Variants in CNIH3 observed in about 807,000 individuals in gnomAD.
CNIH3 encodes cornichon family AMPA receptor auxiliary protein 3.
Under a neutral mutation model 24.1 loss-of-function variants are expected in CNIH3, and 14 were observed. That is an observed-to-expected ratio of 0.58 (90% CI 0.38 to 0.91). The LOEUF is 0.91. CNIH3 is among the 40% of genes least tolerant of loss of function. The pLI, the probability that CNIH3 is intolerant of heterozygous loss-of-function variation, is 0.00. For synonymous variants in CNIH3, 68 were observed against 73.8 expected, an observed-to-expected ratio of 0.92 and a Z score of 0.40; for missense variants, 178 against 196.8, an observed-to-expected ratio of 0.90 and a Z score of 0.57.
rs1252554127 is a variant in CNIH3, at chr1:224,658,566, A to G, written c.82-22392A>G. 2.0e-5 allele frequency among the ~76,000 whole-genome samples: 3 copies of G among 151,954 alleles called. 1 individual carries two copies. The highest frequency in any genetic ancestry group is 7.2e-5 in the African/African-American group (3 of 41,390). On this transcript the variant is annotated intron_variant, in intron 1 of 5. Coordinates refer to ENST00000272133, the MANE Select transcript of CNIH3 (RefSeq NM_152495.2). ...TTCACAAAATAGGGTCATAGTCACT[A>G]TGGAATAGTTATTCATTTAGCCAGA...
At chr1:224,496,685 T>C (rs1270083544) in intron 1 of CNIH3, among the ~76,000 whole-genome samples, 1 of 152,202 alleles carries the variant, frequency 6.6e-6, no homozygotes, top group South Asian at 2.1e-4. Flanking sequence ...GAGCACTCCA[T>C]GCAGTTGTGG....
intron 1 of CNIH3, among the ~76,000 whole-genome samples, chr1:224,644,341 G>C (rs1258830919): frequency 1.3e-5 from 2 of 152,114 alleles, no homozygotes; most frequent in African/African-American, 4.8e-5. Context: ...CTTCCGAGTA[G>C]CTGGGACTAC....
At chr1:224,661,380 C>G (rs981016966) in intron 1 of CNIH3, 2 of 271,506 alleles carry the variant, frequency 7.4e-6, no homozygotes, top group Middle Eastern at 1.6e-3. Flanking sequence ...AGAATGAGTC[C>G]CCTGTGACCT....
Position 224,486,911 on chromosome 1 carries a change from G to A in CNIH3, n.204-28830G>A, listed in dbSNP as rs567573109. Among the ~76,000 whole-genome samples the A allele has an allele frequency of 7.3e-4, 111 of 152,326 alleles. 1 individual carries two copies. The highest frequency in any genetic ancestry group is 1.5e-3 in the Non-Finnish European group (99 of 68,028). On this transcript the variant is annotated intron_variant and non_coding_transcript_variant, in intron 1 of 5. Coordinates refer to the CNIH3 transcript ENST00000471578. Reference sequence around the variant, plus strand: ...ATTGCTGTGAAAAGGATAGCAAAGAGTATTATCCCCAGGTCGGCTGACTAA... The same window carrying A: ...ATTGCTGTGAAAAGGATAGCAAAGAATATTATCCCCAGGTCGGCTGACTAA...
At chr1:224,575,900 A>G (rs1156481503) in intron 4 of CNIH3, among the ~76,000 whole-genome samples, 2 of 152,160 alleles carry the variant, frequency 1.3e-5, no homozygotes, top group Non-Finnish European at 2.9e-5. Flanking sequence ...TGCTTTTCTC[A>G]GGTCATGTTT....
chr1:224,566,736 T>C lies in CNIH3; in HGVS notation n.516+472T>C, dbSNP rs1053732709. Among the ~76,000 whole-genome samples the C allele has an allele frequency of 5.3e-5, 8 of 152,340 alleles. No individual in the cohort carries two copies. In the East Asian group the frequency reaches 1.5e-3, roughly 29 times the overall value. ...TGGCTGCATAGTATTCCATGGTGCA[T>C]ATGTGCCACATTTTCTCTATCTAGT... On this transcript the variant is annotated intron_variant and non_coding_transcript_variant, in intron 4 of 5. Coordinates refer to the CNIH3 transcript ENST00000471578.
intron 3 of CNIH3, among the ~76,000 whole-genome samples, chr1:224,597,963 A>C (rs1290446466): frequency 2.0e-5 from 3 of 152,130 alleles, no homozygotes; most frequent in African/African-American, 7.2e-5. Flanking sequence ...ATTGAAGGAC[A>C]CCCAGCGAGA....
intron 1 of CNIH3, among the ~76,000 whole-genome samples, chr1:224,479,235 C>G (rs1048475642): frequency 6.8e-6 from 1 of 147,328 alleles, no homozygotes; most frequent in African/African-American, 2.5e-5. Context: ...CTCACTGCAA[C>G]CTCTGCCTCC....
At chr1:224,645,834 C>A (rs1347945612) in intron 1 of CNIH3, among the ~76,000 whole-genome samples, 2 of 152,338 alleles carry the variant, frequency 1.3e-5, no homozygotes, top group South Asian at 4.1e-4. Context: ...GGCCATCTCG[C>A]TCCAAGGGAA....
intron 1 of CNIH3, among the ~76,000 whole-genome samples, chr1:224,620,262 C>T (rs528735269): frequency 6.6e-6 from 1 of 152,340 alleles, no homozygotes; most frequent in Non-Finnish European, 1.5e-5. Context: ...GTCCTCATAA[C>T]GGACATTTCG....
intron 3 of CNIH3, among the ~76,000 whole-genome samples, chr1:224,595,881 T>C (rs1204310699): frequency 6.6e-6 from 1 of 152,194 alleles, no homozygotes; most frequent in Non-Finnish European, 1.5e-5. Context: ...TTCAATTCTA[T>C]GAGGGCTGAG....
rs1287404274 is a variant in CNIH3 at position 224,506,265 on chromosome 1, GCA to G, written n.204-9472_204-9471del. 2.8e-3 allele frequency among the ~76,000 whole-genome samples: 300 copies of G among 105,418 alleles called. 3 individuals carry two copies. The highest frequency in any genetic ancestry group is 9.5e-3 in the African/African-American group (277 of 29,260). The allele number at this position is 105,418 out of a possible 152,430, so 69.2% of individuals were successfully genotyped here. On this transcript the variant is annotated intron_variant and non_coding_transcript_variant, in intron 1 of 5. Transcript: ENST00000471578. Reference sequence around the variant, plus strand: ...TCCCATTCCTTACACTCATATGCACGCACACGCGCGCGCGCGCGCGCGCACAC... The same window carrying G: ...TCCCATTCCTTACACTCATATGCACGCACGCGCGCGCGCGCGCGCGCACAC...
intron 1 of CNIH3, among the ~76,000 whole-genome samples, chr1:224,471,219 T>C (rs1022368811): frequency 3.3e-5 from 5 of 152,148 alleles, no homozygotes; most frequent in African/African-American, 9.6e-5. Flanking sequence ...TTTATATTTT[T>C]AGTAGAGACA....
upstream of CNIH3, among the ~76,000 whole-genome samples, chr1:224,613,247 C>G (rs1275570474): frequency 6.6e-6 from 1 of 152,140 alleles, no homozygotes; most frequent in Non-Finnish European, 1.5e-5. Context: ...GTGATCCACC[C>G]GCCTCAGCCT....
At chr1:224,441,107 T>C (rs1674892183) in intron 1 of CNIH3, among the ~76,000 whole-genome samples, 3 of 152,314 alleles carry the variant, frequency 2.0e-5, no homozygotes, top group Middle Eastern at 3.4e-3. Context: ...TGAGCCACCG[T>C]GCCCGGCCAG....
chr1:224,497,778 A>G (rs1255696150), intron 1 of CNIH3, among the ~76,000 whole-genome samples: 2 of 152,178 alleles, frequency 1.3e-5, no homozygotes, highest in Non-Finnish European at 2.9e-5. Flanking sequence ...GATGCTCCTG[A>G]CTATGACCCT....
intron 1 of CNIH3, among the ~76,000 whole-genome samples, chr1:224,506,428 A>C (rs954232896): frequency 6.6e-6 from 1 of 152,186 alleles, no homozygotes; most frequent in Non-Finnish European, 1.5e-5. Flanking sequence ...CTGCTCTGCC[A>C]GGCCCCAGGG....
chr1:224,452,027 GAT>G (rs1449344905), intron 1 of CNIH3, among the ~76,000 whole-genome samples: 1 of 152,062 alleles, frequency 6.6e-6, no homozygotes, highest in African/African-American at 2.4e-5. Context: ...TTGCCTCCCA[GAT>G]ACTGAGGTTG....
chr1:224,467,747 T>C (rs901314190), intron 1 of CNIH3, among the ~76,000 whole-genome samples: 2 of 151,986 alleles, frequency 1.3e-5, no homozygotes, highest in Non-Finnish European at 2.9e-5. Context: ...TGATATCAAG[T>C]TGAAGTACTG....
Sources: gnomAD v4.1 joint callset for allele counts (sites outside exome capture counted in the v4.1 genomes callset) on GRCh38, gnomAD v4.1.1 for gene constraint, MANE v1.5 for transcripts, NCBI Gene and HGNC (gene_info 2026-07-23, HGNC 2026-07-21) for gene names.